Variants in ZMYM6 observed in about 807,000 individuals in gnomAD.
ZMYM6 encodes zinc finger MYM-type containing 6.
In ZMYM6, 90 loss-of-function variants were observed where a neutral mutation model predicts 134.0. The observed-to-expected ratio is 0.67, with a 90% CI of 0.57 to 0.80. ZMYM6 has a LOEUF of 0.80. Ranked by LOEUF, ZMYM6 falls within the 30% of genes least tolerant of loss-of-function variation. The pLI, the probability that ZMYM6 is intolerant of heterozygous loss-of-function variation, is 0.00. For missense variants in ZMYM6, 1,362 were observed against 1,533.9 expected, an observed-to-expected ratio of 0.89 and a Z score of 1.87; for synonymous variants, 481 against 524.1, an observed-to-expected ratio of 0.92 and a Z score of 1.12.
intron 4 of ZMYM6, chr1:35,019,114 G>A: frequency 1.7e-6 from 1 of 603,522 alleles, no homozygotes; most frequent in South Asian, 2.3e-5. Flanking sequence ...CATGTCATTT[G>A]TTATTTCTTT....
intron 14 of ZMYM6, among the ~76,000 whole-genome samples, chr1:34,995,897 T>A (rs1407240452): frequency 6.6e-6 from 1 of 152,212 alleles, no homozygotes; most frequent in Non-Finnish European, 1.5e-5. Context: ...CTTAGCAAAC[T>A]ATCTTGGAGG....
At chr1:34,999,846 A>G (rs1640849789) in intron 14 of ZMYM6, among the ~76,000 whole-genome samples, 1 of 152,086 alleles carries the variant, frequency 6.6e-6, no homozygotes, top group African/African-American at 2.4e-5. Flanking sequence ...ATGCTCTTTG[A>G]CCTAACAATT....
chr1:35,014,856 T>C lies in ZMYM6; in HGVS notation c.636A>G (p.Val212=), dbSNP rs772916017. 3 of 1,614,084 alleles carry C rather than the reference T, an allele frequency of 1.9e-6. No homozygotes were observed. Among genetic ancestry groups the C allele is most frequent in the Non-Finnish European group, 2.5e-6 (3 of 1,180,048 alleles). ...AACAGGCATCACTACAAAGACCATGTACCACATTTTGATATTTAACTTCAA... is the reference window on the plus strand; with the variant it reads ...AACAGGCATCACTACAAAGACCATGCACCACATTTTGATATTTAACTTCAA... ...TRFEVKYQNV[V]HGLCSDACFS... is the part of the protein sequence containing the mutation. The change falls in exon 6 of 16, where the codon GTA becomes GTG. Residue 212 remains valine (V), a synonymous_variant. Coordinates refer to ENST00000357182, the MANE Select transcript of ZMYM6 (RefSeq NM_007167.4).
rs755464173 is a variant in ZMYM6, at chr1:35,008,735, T to C, written c.1665+17A>G. The C allele has an allele frequency of 2.5e-6, 4 of 1,598,202 alleles. No homozygotes were observed. The highest frequency in any genetic ancestry group is 3.6e-5 in the Admixed American group (2 of 55,980). ...ACTGATTTCAGAAAGCCAAAAAAAGTATATTATCACATTTACCTGATAAAA... is the reference window on the plus strand; with the variant it reads ...ACTGATTTCAGAAAGCCAAAAAAAGCATATTATCACATTTACCTGATAAAA... On this transcript the variant is annotated intron_variant, in intron 11 of 15. Transcript: ENST00000357182.
chr1:34,993,877 G>T (rs1419736661), intron 14 of ZMYM6, among the ~76,000 whole-genome samples: 1 of 151,628 alleles, frequency 6.6e-6, no homozygotes, highest in African/African-American at 2.4e-5. Flanking sequence ...AGTAGAGATG[G>T]GATTTCACCG....
chr1:35,007,162 T>C, intron 11 of ZMYM6, 64 bp from the exon 12 acceptor site: 1 of 1,498,946 alleles, frequency 6.7e-7, no homozygotes, highest in Non-Finnish European at 8.9e-7. Context: ...ATAACATTAA[T>C]CATAAAAAGA....
At chr1:35,026,493 G>GA (rs376831879) in intron 2 of ZMYM6, among the ~76,000 whole-genome samples, 1 of 152,118 alleles carries the variant, frequency 6.6e-6, no homozygotes, top group African/African-American at 2.4e-5. Context: ...CCTCAATCAT[G>GA]AAAAAATATA....
At chr1:35,012,347 AGCTTGT>A in intron 7 of ZMYM6, 78 bp downstream of exon 7, 1 of 1,198,052 alleles carries the variant, frequency 8.3e-7, no homozygotes. Flanking sequence ...AGATAAATTT[AGCTTGT>A]AACAAAATCA....
chr1:35,015,743 A>AAAAAAAAAAAAAATATATATATATATAT, intron 4 of ZMYM6, among the ~76,000 whole-genome samples: 1 of 106,476 alleles, frequency 9.4e-6, no homozygotes, highest in African/African-American at 6.6e-5. Context: ...AAAAAAAAAA[A>AAAAAAAAAAAAAATATATATATATATAT]ATATATATAT....
chr1:35,006,039 G>A (rs944048345), intron 12 of ZMYM6, among the ~76,000 whole-genome samples: 2 of 152,082 alleles, frequency 1.3e-5, no homozygotes, highest in Non-Finnish European at 2.9e-5. Context: ...AGAGAATATC[G>A]TTCTGTAGCC....
intron 4 of ZMYM6, among the ~76,000 whole-genome samples, chr1:35,016,339 A>G (rs1035715743): frequency 5.9e-5 from 9 of 152,214 alleles, no homozygotes; most frequent in Admixed American, 2.0e-4. Flanking sequence ...ATGATATATG[A>G]CAAAAGGGCT....
At chr1:35,012,929 T>A in intron 6 of ZMYM6, 1 of 985,262 alleles carries the variant, frequency 1.0e-6, no homozygotes, top group Non-Finnish European at 1.2e-6. Flanking sequence ...TATAGTCTTG[T>A]ACATCAATCT....
chr1:35,030,553 A>G lies in ZMYM6; in HGVS notation c.87T>C (p.Asn29=). Residue 29 remains asparagine (N), a synonymous_variant, in exon 2 of 16, where the codon AAT becomes AAC. Transcript: ENST00000357182. Reference sequence around the variant, plus strand: ...ATGAAGATGAAATGCTTACTTGAGCATTGTCTGGTTCTTCTTTAATTTTGT... The same window carrying G: ...ATGAAGATGAAATGCTTACTTGAGCGTTGTCTGGTTCTTCTTTAATTTTGT... ...LLDKIKEEPD[N]AQEYGCVQQP... 3.1e-6 allele frequency: 5 copies of G among 1,608,122 alleles called. No homozygotes were observed. Among genetic ancestry groups the G allele is most frequent in the Non-Finnish European group, 3.4e-6 (4 of 1,178,920 alleles).
At chr1:34,989,199 G>A in intron 15 of ZMYM6, 1 of 1,184,820 alleles carries the variant, frequency 8.4e-7, no homozygotes, top group South Asian at 2.3e-5. Context: ...CACCCAATAG[G>A]TTATTGAAAT....
In ZMYM6 at chr1:35,005,258, C is replaced by T; in HGVS notation, c.1828G>A (p.Ala610Thr). 6.2e-7 allele frequency: 1 copy of T among 1,613,956 alleles called. No individual in the cohort carries two copies. The highest frequency in any genetic ancestry group is 8.5e-7 in the Non-Finnish European group (1 of 1,179,976). Residue 610 changes from alanine (A) to threonine (T), a missense_variant, in exon 13 of 16, where the codon GCA becomes ACA. Physicochemically the swap from Ala to Thr is moderately conservative, Grantham distance 58 (BLOSUM62 0). Coordinates refer to ENST00000357182, the MANE Select transcript of ZMYM6 (RefSeq NM_007167.4). The stretch of plus-strand genomic sequence containing the variant: ...GGGAGCTCCGTCACAGCAGTTTTTG[C>T]TTTAGAAATATTTACTGATTAAAAT... The part of the protein sequence containing the change: ...LPQNKVNISK[A>T]KTAVTELPSA...
intron 2 of ZMYM6, among the ~76,000 whole-genome samples, chr1:35,024,016 C>T (rs368266013): frequency 1.3e-5 from 2 of 152,100 alleles, no homozygotes; most frequent in East Asian, 3.9e-4. Context: ...TTTTACCTCA[C>T]AAAGTAATTT....
At chr1:35,022,679 G>A (rs1448124101) in intron 2 of ZMYM6, among the ~76,000 whole-genome samples, 1 of 152,162 alleles carries the variant, frequency 6.6e-6, no homozygotes, top group African/African-American at 2.4e-5. Context: ...TGTTGCAGTA[G>A]TCTCTCCCAT....
At chr1:35,030,450 A>G (rs1641500457) in intron 2 of ZMYM6, 97 bp downstream of exon 2, 1 of 1,180,452 alleles carries the variant, frequency 8.5e-7, no homozygotes, top group African/African-American at 1.6e-5. Context: ...GTTATTTTAA[A>G]CTTACAAACC....
rs375111702 is a variant in ZMYM6, at chr1:35,010,833, G to T, written c.1266C>A (p.Thr422=). ...LAEQSQQVAL[T]HTVVKLKCQH... is the part of the protein sequence containing the mutation. Reference sequence around the variant, plus strand: ...GACACTTGAGTTTAACAACTGTATGGGTTAAAGCAACTTGCTGGGATTGTT... The same window carrying T: ...GACACTTGAGTTTAACAACTGTATGTGTTAAAGCAACTTGCTGGGATTGTT... The change falls in exon 9 of 16, where the codon ACC becomes ACA. Residue 422 remains threonine (T), a synonymous_variant. Coordinates refer to ENST00000357182, the MANE Select transcript of ZMYM6 (RefSeq NM_007167.4). 7 of 1,612,698 alleles carry T rather than the reference G, an allele frequency of 4.3e-6. No individual in the cohort carries two copies. The African/African-American group carries it at 6.7e-5, about 15-fold the overall frequency.
Sources: gnomAD v4.1 joint callset for allele counts (sites outside exome capture counted in the v4.1 genomes callset) on GRCh38, gnomAD v4.1.1 for gene constraint, MANE v1.5 for transcripts, NCBI Gene and HGNC (gene_info 2026-07-23, HGNC 2026-07-21) for gene names.